PDPR: variants seen among roughly 807,000 people sequenced by gnomAD.
PDPR encodes the protein pyruvate dehydrogenase phosphatase regulatory subunit, mitochondrial.
A neutral mutation model predicts 102.2 loss-of-function variants in PDPR; 50 were observed. The observed-to-expected ratio is 0.49, with a 90% CI of 0.39 to 0.62. The LOEUF (loss-of-function observed/expected upper bound fraction) is 0.62. Among genes scored for constraint, PDPR ranks in the 20% least tolerant of loss-of-function variants. PDPR has a pLI of 0.00. For missense variants in PDPR, 625 were observed against 1,098.2 expected, an observed-to-expected ratio of 0.57 and a Z score of 6.09; for synonymous variants, 259 against 406.0, an observed-to-expected ratio of 0.64 and a Z score of 4.35.
intron 6 of PDPR, among the ~76,000 whole-genome samples, 156 bp from the exon 7 acceptor site, chr16:70,130,267 G>A (rs547845089): frequency 3.9e-5 from 6 of 152,278 alleles, no homozygotes; most frequent in African/African-American, 9.6e-5. Flanking sequence ...CACCCTTGGC[G>A]ACAAAGCAAG....
intron 3 of PDPR, among the ~76,000 whole-genome samples, chr16:70,125,142 T>C (rs1250828907): frequency 6.6e-6 from 1 of 152,218 alleles, no homozygotes; most frequent in African/African-American, 2.4e-5. Flanking sequence ...TTTGGGAGGC[T>C]GAGGCGGGTG....
At position 70,156,728 on chromosome 16, in the gene PDPR, T is replaced by C; in HGVS notation, c.2489T>C (p.Val830Ala). 6.2e-7 allele frequency: 1 copy of C among 1,613,950 alleles called. No individual in the cohort carries two copies. The highest frequency in any genetic ancestry group is 8.5e-7 in the Non-Finnish European group (1 of 1,179,912). The change falls in exon 19 of 19, where the codon GTG becomes GCG. Residue 830 changes from valine (V) to alanine (A), a missense_variant. Physicochemically the swap from Val to Ala is moderately conservative, Grantham distance 64. Coordinates refer to ENST00000288050, the MANE Select transcript of PDPR (RefSeq NM_017990.5). ...FSEDTGEEQVVTADFINRGEY... is the reference protein window; with the variant it reads ...FSEDTGEEQVATADFINRGEY... ...GAGGACACGGGGGAAGAGCAAGTGG[T>C]GACAGCAGATTTCATCAACCGGGGA... is the stretch of plus-strand genomic sequence containing the variant.
chr16:70,136,326 G>T lies in PDPR; in HGVS notation c.1130G>T (p.Gly377Val). The T allele has an allele frequency of 1.9e-6, 3 of 1,613,518 alleles. No homozygotes were observed. The highest frequency in any genetic ancestry group is 1.1e-5 in the South Asian group (1 of 90,986). Residue 377 changes from glycine to valine, a missense_variant, in exon 10 of 19, where the codon GGC becomes GTC. By Grantham distance (109) the Gly-to-Val change is moderately radical. Transcript: ENST00000288050. ...ATGGGCGAGTCTCCTGCAGTGCAGG[G>T]CTACTTTGTCCTGGCAGGAATGAAC... ...CIMGESPAVQGYFVLAGMNSA... is the reference protein window; with the variant it reads ...CIMGESPAVQVYFVLAGMNSA...
At chr16:70,123,501 G>A (rs1160509251) in intron 3 of PDPR, among the ~76,000 whole-genome samples, 1 of 152,274 alleles carries the variant, frequency 6.6e-6, no homozygotes, top group Non-Finnish European at 1.5e-5. Context: ...ACCTCCCAAA[G>A]TACTGGGGTT....
chr16:70,131,082 G>A (rs1233963754), intron 7 of PDPR, among the ~76,000 whole-genome samples: 1 of 152,218 alleles, frequency 6.6e-6, no homozygotes, highest in African/African-American at 2.4e-5. Flanking sequence ...TGACTAGCTG[G>A]TAAATATCTC....
chr16:70,125,009 A>G (rs1001223474), intron 3 of PDPR, among the ~76,000 whole-genome samples: 1 of 152,240 alleles, frequency 6.6e-6, no homozygotes, highest in Non-Finnish European at 1.5e-5. Context: ...ACCACAAATT[A>G]GAGAACATTT....
At position 70,160,453 on chromosome 16, in the gene PDPR, C is replaced by G. The variant is rs1331343241; in HGVS notation, c.*3574C>G. The G allele has an allele frequency of 1.3e-5, 2 of 152,938 alleles. No homozygotes were observed. Among genetic ancestry groups the G allele is most frequent in the African/African-American group, 4.8e-5 (2 of 41,590 alleles). 9.5% of individuals were successfully genotyped at this position (152,938 alleles called of 1,614,324 possible). On this transcript the variant is annotated 3_prime_UTR_variant, in exon 19 of 19. Transcript: ENST00000288050. ...ACTGCACAGTGACCACTGTATTTTTCACGCTCTTCCAGGGATCCCTGTCCC... is the reference window on the plus strand; with the variant it reads ...ACTGCACAGTGACCACTGTATTTTTGACGCTCTTCCAGGGATCCCTGTCCC...
chr16:70,138,833 T>G, intron 10 of PDPR, 66 bp from the exon 11 acceptor site: 1 of 1,604,072 alleles, frequency 6.2e-7, no homozygotes, highest in Non-Finnish European at 8.5e-7. Flanking sequence ...TTGTTCTCGA[T>G]TTGTAGAATA....
At chr16:70,133,111 C>CTTTTTTTTTTTTTTT (rs140652740) in intron 9 of PDPR, among the ~76,000 whole-genome samples, 1 of 97,230 alleles carries the variant, frequency 1.0e-5, no homozygotes, top group African/African-American at 4.3e-5. Context: ...TACCCAGCTG[C>CTTTTTTTTTTTTTTT]TTTTTTTTTT....
In PDPR at chr16:70,154,704, G is replaced by A. The variant is rs565671505; in HGVS notation, c.2235+1131G>A. ...GTCACCCAGGTTGGAGTGCAGTGGC[G>A]CGATGTTGGCTCACTGCAATGCCCT... is the stretch of plus-strand genomic sequence containing the variant. On this transcript the variant is annotated intron_variant, in intron 18 of 18. Coordinates refer to ENST00000288050, the MANE Select transcript of PDPR (RefSeq NM_017990.5). Among the ~76,000 whole-genome samples, 246 of 152,250 alleles carry A rather than the reference G, an allele frequency of 1.6e-3. 1 individual carries two copies. Among genetic ancestry groups the A allele is most frequent in the African/African-American group, 5.4e-3 (223 of 41,524 alleles).
chr16:70,131,925 T>C lies in PDPR; in HGVS notation c.848-226T>C, dbSNP rs189442041. On this transcript the variant is annotated intron_variant, in intron 8 of 18. Transcript: ENST00000288050. ...GTCAAAGCTTCTAGGTAAGGGATAA[T>C]CAGAGAAACAGTCTCCACTGAAAGG... 105 of 1,481,888 alleles carry C rather than the reference T, an allele frequency of 7.1e-5. 1 individual carries two copies. The African/African-American group carries it at 1.0e-3, about 15-fold the overall frequency. The allele number at this position is 1,481,888 out of a possible 1,614,324, so 91.8% of individuals were successfully genotyped here.
At chr16:70,122,727 C>T (rs1292879287) in intron 3 of PDPR, among the ~76,000 whole-genome samples, 3 of 152,394 alleles carry the variant, frequency 2.0e-5, no homozygotes, top group South Asian at 4.1e-4. Flanking sequence ...CAGCCACCAC[C>T]GTGATGGTTG....
At chr16:70,154,149 C>A (rs531452084) in intron 18 of PDPR, among the ~76,000 whole-genome samples, 1 of 152,186 alleles carries the variant, frequency 6.6e-6, no homozygotes, top group Admixed American at 6.5e-5. Flanking sequence ...GAGCGAGACT[C>A]CGTCTCAAAA....
chr16:70,142,920 G>C (rs1490846823), intron 13 of PDPR, among the ~76,000 whole-genome samples: 10 of 152,254 alleles, frequency 6.6e-5, no homozygotes, highest in Non-Finnish European at 1.2e-4. Context: ...TTAAGGCCAG[G>C]AGTGGTGGCT....
chr16:70,138,022 GC>G (rs1362616606), intron 10 of PDPR, among the ~76,000 whole-genome samples: 2 of 148,758 alleles, frequency 1.3e-5, no homozygotes, highest in Non-Finnish European at 3.0e-5. Context: ...GCAGGCGTGT[GC>G]CACCATACCC....
At chr16:70,145,256 G>T (rs1966136464) in intron 15 of PDPR, among the ~76,000 whole-genome samples, 1 of 152,220 alleles carries the variant, frequency 6.6e-6, no homozygotes, top group Admixed American at 6.5e-5. Flanking sequence ...TTCTGCCTCA[G>T]CCTCCCAAGT....
intron 2 of PDPR, 123 bp from the exon 3 acceptor site, chr16:70,120,338 C>T: frequency 1.6e-6 from 1 of 638,896 alleles, no homozygotes; most frequent in Non-Finnish European, 2.8e-6. Flanking sequence ...GTGTGAGGCA[C>T]CATGCCCAGC....
At chr16:70,156,432 T>G (rs1967203514) in intron 18 of PDPR, 43 bp from the exon 19 acceptor site, 1 of 1,602,886 alleles carries the variant, frequency 6.2e-7, no homozygotes, top group Middle Eastern at 1.7e-4. Context: ...GTGCCGAGGG[T>G]CTGAGTGTCG....
In PDPR at chr16:70,158,819, A is replaced by G. The variant is rs970275329; in HGVS notation, c.*1940A>G. 6.5e-6 allele frequency: 1 copy of G among 152,784 alleles called. No individual in the cohort carries two copies. The highest frequency in any genetic ancestry group is 2.4e-5 in the African/African-American group (1 of 41,474). 9.5% of individuals were successfully genotyped at this position (152,784 alleles called of 1,614,324 possible). A position where few individuals can be genotyped will look rare whatever the true frequency, so the allele number is the denominator to read the frequency against. On this transcript the variant is annotated 3_prime_UTR_variant, in exon 19 of 19. Transcript: ENST00000288050. ...AGCAGACTTACCTCCGAAGATGGAG[A>G]CAGGTGACTGAGAGCTGCAGGCCTC...
Sources: gnomAD v4.1 joint callset for allele counts (sites outside exome capture counted in the v4.1 genomes callset) on GRCh38, gnomAD v4.1.1 for gene constraint, MANE v1.5 for transcripts, NCBI Gene and HGNC (gene_info 2026-07-23, HGNC 2026-07-21) for gene names.